Variants in ANKRD31 observed in about 807,000 individuals in gnomAD.
ANKRD31 encodes the protein ankyrin repeat domain-containing protein 31.
ANKRD31 carries 147 observed loss-of-function variants against 186.0 expected under a neutral mutation model. The ratio of observed to expected loss-of-function variants is 0.79; its 90% confidence interval spans 0.69 to 0.91. The LOEUF is 0.91. ANKRD31 is among the 40% of genes least tolerant of loss of function. The pLI is 0.00. For missense variants in ANKRD31, 1,986 were observed against 2,148.8 expected, an observed-to-expected ratio of 0.92 and a Z score of 1.50; for synonymous variants, 673 against 736.4, an observed-to-expected ratio of 0.91 and a Z score of 1.39.
At chr5:75,210,090 C>A (rs2150285257) in intron 4 of ANKRD31, among the ~76,000 whole-genome samples, 1 of 152,312 alleles carries the variant, frequency 6.6e-6, no homozygotes, top group Admixed American at 6.5e-5. Flanking sequence ...GTTCACAGAC[C>A]ATACTTTGAG....
intron 17 of ANKRD31, among the ~76,000 whole-genome samples, chr5:75,124,257 C>T (rs769780233): frequency 6.6e-6 from 1 of 151,958 alleles, no homozygotes; most frequent in Non-Finnish European, 1.5e-5. Context: ...AATAGAATGC[C>T]TATTATTAAA....
intron 17 of ANKRD31, among the ~76,000 whole-genome samples, chr5:75,126,589 T>C (rs1421131639): frequency 6.6e-6 from 1 of 152,208 alleles, no homozygotes; most frequent in Non-Finnish European, 1.5e-5. Context: ...TTCATTTTTC[T>C]TAGGTAAAAA....
rs571296787 is a variant in ANKRD31, at chr5:75,132,762, G to C, written c.3876+5094C>G. On this transcript the variant is annotated intron_variant, in intron 17 of 25. Transcript: ENST00000506364. ...AAGGAAAAAATGTTAAGGGCAGCCA[G>C]AGAGAAAGGTCGAGTTACCCACAAA... Among the ~76,000 whole-genome samples the C allele has an allele frequency of 1.8e-4, 28 of 152,302 alleles. 1 individual carries two copies. The highest frequency in any genetic ancestry group is 1.0e-3 in the South Asian group (5 of 4,830).
chr5:75,100,067 T>A (rs1198153400), intron 22 of ANKRD31, among the ~76,000 whole-genome samples: 1 of 152,204 alleles, frequency 6.6e-6, no homozygotes, highest in African/African-American at 2.4e-5. Flanking sequence ...TTTAGTGCTA[T>A]AAATTTCCCT....
chr5:75,196,108 T>C lies in ANKRD31; in HGVS notation c.540A>G (p.Ser180=). 6.5e-7 allele frequency: 1 copy of C among 1,536,578 alleles called. No homozygotes were observed. Among genetic ancestry groups the C allele is most frequent in the Non-Finnish European group, 8.7e-7 (1 of 1,146,622 alleles). The change falls in exon 7 of 26, where the codon TCA becomes TCG. Residue 180 remains serine (S), a synonymous_variant. Coordinates refer to ENST00000506364, the MANE Select transcript of ANKRD31 (RefSeq NM_001372053.1). ...VSDTVAVKET[S]LVEPEKILAA... Reference sequence around the variant, plus strand: ...CTAAAATCTTCTCTGGCTCTACTAATGATGTCTCCTTTACAGCAACTGTAT... The same window carrying C: ...CTAAAATCTTCTCTGGCTCTACTAACGATGTCTCCTTTACAGCAACTGTAT...
intron 17 of ANKRD31, among the ~76,000 whole-genome samples, chr5:75,130,239 G>A (rs1313311383): frequency 6.6e-6 from 1 of 152,204 alleles, no homozygotes; most frequent in Non-Finnish European, 1.5e-5. Flanking sequence ...GGCTTCAAGA[G>A]TGAAGCTGCA....
At chr5:75,169,429 T>C (rs2150188993) in intron 10 of ANKRD31, among the ~76,000 whole-genome samples, 1 of 152,294 alleles carries the variant, frequency 6.6e-6, no homozygotes, top group South Asian at 2.1e-4. Context: ...TCAAAGTGAA[T>C]GCTGGTTGCA....
rs376104140 is a variant in ANKRD31, at chr5:75,181,115, C to A, written c.1564+7378G>T. On this transcript the variant is annotated intron_variant, in intron 10 of 25. Coordinates refer to ENST00000506364, the MANE Select transcript of ANKRD31 (RefSeq NM_001372053.1). Reference sequence around the variant, plus strand: ...TTCTCAAAAGAAGACATTTATGCAGCCAAAAAACACATGAAAAAATGCTCA... The same window carrying A: ...TTCTCAAAAGAAGACATTTATGCAGACAAAAAACACATGAAAAAATGCTCA... Among the ~76,000 whole-genome samples, 1,296 of 151,970 alleles carry A rather than the reference C, an allele frequency of 8.5e-3. 18 individuals carry two copies. The highest frequency in any genetic ancestry group is 0.029 in the African/African-American group (1,183 of 41,454).
chr5:75,118,540 T>G (rs1332560230), intron 17 of ANKRD31, among the ~76,000 whole-genome samples: 3 of 152,144 alleles, frequency 2.0e-5, no homozygotes, highest in Non-Finnish European at 4.4e-5. Context: ...TTCATTGCAG[T>G]AAGAAGTAGG....
chr5:75,209,220 T>C (rs1014129977), intron 4 of ANKRD31, among the ~76,000 whole-genome samples: 1 of 152,178 alleles, frequency 6.6e-6, no homozygotes, highest in Non-Finnish European at 1.5e-5. Context: ...CATGCATTGG[T>C]CTTTTAGAAA....
At position 75,169,101 on chromosome 5, in the gene ANKRD31, CT is replaced by C; in HGVS notation, c.1584del (p.Ala529LeufsTer3). 1 of 1,536,980 alleles carries C rather than the reference CT, an allele frequency of 6.5e-7. No individual in the cohort carries two copies. Among genetic ancestry groups the C allele is most frequent in the Non-Finnish European group, 8.7e-7 (1 of 1,146,556 alleles). ...GTCCGATAAAATCCTCCTACACTAGCTTCATGAAGTGCTGTCCAACCTATCA... is the reference window on the plus strand; with the variant it reads ...GTCCGATAAAATCCTCCTACACTAGCTCATGAAGTGCTGTCCAACCTATCA... ...PSYAGWTALH[E>X]ASVGGFYRTA... On this transcript the variant is annotated frameshift_variant, in exon 11 of 26. Coordinates refer to ENST00000506364, the MANE Select transcript of ANKRD31 (RefSeq NM_001372053.1). LOFTEE classifies it high-confidence loss of function.
At chr5:75,126,054 T>A (rs528627829) in intron 17 of ANKRD31, among the ~76,000 whole-genome samples, 60 of 152,336 alleles carry the variant, frequency 3.9e-4, no homozygotes, top group Middle Eastern at 3.4e-3. Context: ...TTGCTTTACA[T>A]TTTGCTTTTT....
At chr5:75,186,840 G>A (rs1174665048) in intron 10 of ANKRD31, among the ~76,000 whole-genome samples, 1 of 152,064 alleles carries the variant, frequency 6.6e-6, no homozygotes, top group Non-Finnish European at 1.5e-5. Flanking sequence ...AGGGCAGTGG[G>A]CCTTTTTTTA....
At chr5:75,233,186 C>T (rs966365309) in intron 1 of ANKRD31, among the ~76,000 whole-genome samples, 2 of 151,966 alleles carry the variant, frequency 1.3e-5, no homozygotes, top group African/African-American at 4.8e-5. Context: ...CCTCAGCCTC[C>T]TGAGTAGCTG....
intron 11 of ANKRD31, among the ~76,000 whole-genome samples, chr5:75,166,759 T>A (rs1004428107): frequency 2.6e-5 from 4 of 152,226 alleles, no homozygotes; most frequent in Admixed American, 2.6e-4. Context: ...TTCTTAGTGA[T>A]GCCTATGATT....
intron 15 of ANKRD31, among the ~76,000 whole-genome samples, chr5:75,139,293 A>T (rs966085963): frequency 6.6e-6 from 1 of 150,910 alleles, no homozygotes; most frequent in Non-Finnish European, 1.5e-5. Context: ...AATGAATAAT[A>T]TTTTTCTCAA....
At chr5:75,209,491 A>C (rs978843081) in intron 4 of ANKRD31, among the ~76,000 whole-genome samples, 1 of 139,186 alleles carries the variant, frequency 7.2e-6, no homozygotes, top group Non-Finnish European at 1.6e-5. Context: ...AGCATGGCCA[A>C]CATGGCAAAA....
rs1459388708 is a variant in ANKRD31, at chr5:75,068,437, C to T, written c.*82G>A. On this transcript the variant is annotated 3_prime_UTR_variant, in exon 26 of 26. Transcript: ENST00000506364. ...TCATAAAGTGTATGTTAAAATAGGC[C>T]CACCAGATTATACAAGATGAAATAT... 9.2e-6 allele frequency: 12 copies of T among 1,309,436 alleles called. No homozygotes were observed. The highest frequency in any genetic ancestry group is 1.2e-5 in the Non-Finnish European group (12 of 1,010,618). The allele number at this position is 1,309,436 out of a possible 1,614,324, so 81.1% of individuals were successfully genotyped here. A position where few individuals can be genotyped will look rare whatever the true frequency, so the allele number is the denominator to read the frequency against.
chr5:75,084,181 T>G, intron 24 of ANKRD31, 91 bp downstream of exon 24: 1 of 924,002 alleles, frequency 1.1e-6, no homozygotes, highest in Non-Finnish European at 1.7e-6. Flanking sequence ...TTCACATCAA[T>G]GAGAAAAAAG....
Sources: allele counts gnomAD v4.1 joint callset (sites outside exome capture counted in the v4.1 genomes callset), GRCh38; gene constraint gnomAD v4.1.1; transcripts MANE v1.5; gene names NCBI Gene and HGNC (gene_info 2026-07-23, HGNC 2026-07-21).